ABI1: variants seen among roughly 807,000 people sequenced by gnomAD.
The protein encoded by ABI1 is Abelson interactor 1.
ABI1 carries 14 observed loss-of-function variants against 54.6 expected under a neutral mutation model. The observed-to-expected ratio is 0.26, with a 90% confidence interval of 0.17 to 0.40. The LOEUF (loss-of-function observed/expected upper bound fraction) is 0.40. Among genes scored for constraint, ABI1 ranks in the 10% least tolerant of loss-of-function variants. The probability of loss-of-function intolerance (pLI) is 1.00; values close to 1 mark genes in which losing one functional copy is unlikely to be tolerated. For synonymous variants in ABI1, 194 were observed against 209.3 expected (o/e 0.93, Z 0.63); for missense variants, 443 against 598.3 (o/e 0.74, Z 2.71).
rs568429196 is a variant in ABI1, at chr10:26,755,632, T to C, written c.1084+23A>G. On this transcript the variant is annotated intron_variant, in intron 9 of 10. Transcript: ENST00000376140. ...TAAGGAGACAGCCTCTACTCTTCCA[T>C]AGCTCAGTTTTTCCAAACTTACTGT... The C allele has an allele frequency of 6.0e-4, 947 of 1,581,454 alleles. 10 individuals carry two copies. In the South Asian group the frequency reaches 9.1e-3, roughly 15 times the overall value.
rs959500468 is a variant in ABI1 at position 26,860,222 on chromosome 10, C to T, written c.117+525G>A. 2.0e-5 allele frequency among the ~76,000 whole-genome samples: 3 copies of T among 152,092 alleles called. No individual in the cohort carries two copies. The highest frequency in any genetic ancestry group is 6.6e-5 in the Admixed American group (1 of 15,266). On this transcript the variant is annotated intron_variant, in intron 1 of 10. Transcript: ENST00000376140. The surrounding 1 kb of genome is among the most constrained non-coding windows in gnomAD (Gnocchi z 4.1). ...CTGGGGGCTGAAACTGACATAATCGCCCCCACCCCACCCTCCGCCGACACA... is the reference window on the plus strand; with the variant it reads ...CTGGGGGCTGAAACTGACATAATCGTCCCCACCCCACCCTCCGCCGACACA...
rs576943525 is a variant in ABI1, at chr10:26,800,758, C to T, written c.285+22380G>A. ...AAAGAAAAAATCAAGGGGCCAGGCACAGTGGCTGACGCCTGTCATCCCAGC... is the reference window on the plus strand; with the variant it reads ...AAAGAAAAAATCAAGGGGCCAGGCATAGTGGCTGACGCCTGTCATCCCAGC... On this transcript the variant is annotated intron_variant, in intron 2 of 10. Coordinates refer to ENST00000376140, the MANE Select transcript of ABI1 (RefSeq NM_001012750.3). 5.9e-5 allele frequency among the ~76,000 whole-genome samples: 9 copies of T among 152,342 alleles called. No homozygotes were observed. In the South Asian group the frequency reaches 1.9e-3, roughly 32 times the overall value.
At chr10:26,834,694 C>A (rs1052478963) in intron 1 of ABI1, among the ~76,000 whole-genome samples, 1 of 151,972 alleles carries the variant, frequency 6.6e-6, no homozygotes, top group African/African-American at 2.4e-5. Context: ...AGACCAGGCA[C>A]GGTGGCTCAC....
intron 2 of ABI1, among the ~76,000 whole-genome samples, chr10:26,820,084 G>C (rs543863717): frequency 9.8e-5 from 15 of 152,300 alleles, no homozygotes; most frequent in Admixed American, 2.0e-4. Flanking sequence ...CAGCTATGCA[G>C]GATGAATAAG....
chr10:26,767,503 A>C (rs571136725), intron 6 of ABI1, among the ~76,000 whole-genome samples: 235 of 152,302 alleles, frequency 1.5e-3, no homozygotes, highest in African/African-American at 5.1e-3. Flanking sequence ...TGGTTTTATA[A>C]AGCACTCAAA....
At chr10:26,762,201 G>A (rs1379202562) in intron 7 of ABI1, among the ~76,000 whole-genome samples, 1 of 152,116 alleles carries the variant, frequency 6.6e-6, no homozygotes. Context: ...CAGAGATGAG[G>A]TCTTGCTATG....
intron 1 of ABI1, among the ~76,000 whole-genome samples, chr10:26,845,462 A>G (rs1191376356): frequency 2.0e-5 from 3 of 151,312 alleles, no homozygotes; most frequent in Admixed American, 6.6e-5. Context: ...GACCAATATG[A>G]TGAAACCCCA....
In ABI1 at chr10:26,760,850, C is replaced by T. The variant is rs940547083; in HGVS notation, c.821-1612G>A. ...GGTTGCGTGAGCCAAGACAGCACCA[C>T]TGCATTCCAGCCTGAGTGACGGAGA... On this transcript the variant is annotated intron_variant, in intron 7 of 10. Coordinates refer to ENST00000376140, the MANE Select transcript of ABI1 (RefSeq NM_001012750.3). 3.9e-5 allele frequency among the ~76,000 whole-genome samples: 5 copies of T among 127,232 alleles called. No individual in the cohort carries two copies. In the Admixed American group the frequency reaches 4.0e-4, roughly 10 times the overall value. 83.5% of individuals were successfully genotyped at this position (127,232 alleles called of 152,430 possible).
intron 8 of ABI1, among the ~76,000 whole-genome samples, chr10:26,756,945 T>C (rs1407835929): frequency 6.6e-6 from 1 of 152,116 alleles, no homozygotes; most frequent in Non-Finnish European, 1.5e-5. Context: ...TAGCTAAAGA[T>C]AACATTCAAT....
In ABI1 at chr10:26,746,756, G is replaced by A; in HGVS notation, c.*1814C>T. The A allele has an allele frequency of 2.3e-6, 1 of 443,034 alleles. No individual in the cohort carries two copies. Among genetic ancestry groups the A allele is most frequent in the South Asian group, 2.3e-5 (1 of 44,396 alleles). 27.4% of individuals were successfully genotyped at this position (443,034 alleles called of 1,614,324 possible). ...TTGTTTACACTGTTAATATCCACAT[G>A]TAAGGCCATTACACAAATAAATAAC... On this transcript the variant is annotated 3_prime_UTR_variant, in exon 11 of 11. Transcript: ENST00000376140.
chr10:26,850,853 T>C (rs1030738739), intron 1 of ABI1, among the ~76,000 whole-genome samples: 1 of 151,950 alleles, frequency 6.6e-6, no homozygotes, highest in Admixed American at 6.6e-5. Context: ...AGAAGAAAGA[T>C]CTAATCTAGA....
intron 9 of ABI1, among the ~76,000 whole-genome samples, chr10:26,754,552 C>T (rs946376692): frequency 3.9e-5 from 6 of 152,220 alleles, no homozygotes; most frequent in Middle Eastern, 3.4e-3. Flanking sequence ...GAGTCTGGCA[C>T]GTAACATCGG....
chr10:26,778,667 T>C (rs1841736038), intron 2 of ABI1, among the ~76,000 whole-genome samples: 1 of 152,192 alleles, frequency 6.6e-6, no homozygotes, highest in Admixed American at 6.5e-5. Context: ...CACCTCTCCA[T>C]GAGTATCTAT....
At chr10:26,818,549 G>A (rs1334821843) in intron 2 of ABI1, among the ~76,000 whole-genome samples, 1 of 150,638 alleles carries the variant, frequency 6.6e-6, no homozygotes, top group Non-Finnish European at 1.5e-5. Context: ...AGGTGGGGTG[G>A]GGGAAGGCAG....
chr10:26,833,908 A>G (rs1220182599), intron 1 of ABI1, among the ~76,000 whole-genome samples: 1 of 152,232 alleles, frequency 6.6e-6, no homozygotes, highest in Non-Finnish European at 1.5e-5. Context: ...GAAGAGATCT[A>G]AATAGCCAAT....
chr10:26,756,657 T>G (rs1395856872), intron 8 of ABI1, among the ~76,000 whole-genome samples: 1 of 152,154 alleles, frequency 6.6e-6, no homozygotes, highest in Non-Finnish European at 1.5e-5. Context: ...TAAACATTCA[T>G]ATGTTTGTGA....
At chr10:26,763,948 A>T in intron 7 of ABI1, 1 of 1,611,972 alleles carries the variant, frequency 6.2e-7, no homozygotes, top group Non-Finnish European at 8.5e-7. Flanking sequence ...AGGAGGAGGG[A>T]CAGAAATGTT....
At chr10:26,845,693 AACAG>A (rs1380513705) in intron 1 of ABI1, among the ~76,000 whole-genome samples, 1 of 152,322 alleles carries the variant, frequency 6.6e-6, no homozygotes, top group South Asian at 2.1e-4. Context: ...CATAATACCT[AACAG>A]ACAGTCTTCC....
intron 2 of ABI1, among the ~76,000 whole-genome samples, chr10:26,817,435 T>G (rs890383840): frequency 4.6e-5 from 7 of 152,192 alleles, no homozygotes; most frequent in Admixed American, 3.9e-4. Context: ...CCAATCTATA[T>G]CAATTTTGTC....
Sources: allele counts gnomAD v4.1 joint callset (sites outside exome capture counted in the v4.1 genomes callset), GRCh38; gene constraint gnomAD v4.1.1; non-coding constraint Gnocchi (gnomAD v3.1); transcripts MANE v1.5; gene names NCBI Gene and HGNC (gene_info 2026-07-23, HGNC 2026-07-21).